The following PLCL2 variants were observed in gnomAD, a reference collection of about 807,000 sequenced individuals.
The protein encoded by PLCL2 is phospholipase C like 2.
In PLCL2, 4 loss-of-function variants were observed where a neutral mutation model predicts 79.6. The observed-to-expected ratio is 0.05, with a 90% confidence interval of 0.02 to 0.11. PLCL2 has a LOEUF of 0.11. PLCL2 is among the 10% of genes least tolerant of loss of function. The pLI, the probability that PLCL2 is intolerant of heterozygous loss-of-function variation, is 1.00. For missense variants in PLCL2, 895 were observed against 1,291.0 expected (o/e 0.69, Z 4.70); for synonymous variants, 484 against 457.7 (o/e 1.06, Z -0.73).
intron 1 of PLCL2, among the ~76,000 whole-genome samples, chr3:16,949,613 T>C (rs1337480958): frequency 2.6e-5 from 4 of 152,230 alleles, no homozygotes; most frequent in Non-Finnish European, 2.9e-5. Context: ...GCAGAAGTTT[T>C]AAATTTAGAT....
chr3:16,995,398 T>C (rs1401714779), intron 1 of PLCL2, among the ~76,000 whole-genome samples: 1 of 152,234 alleles, frequency 6.6e-6, no homozygotes, highest in Non-Finnish European at 1.5e-5. Context: ...GTATTTGTTC[T>C]GTCTGCAGCC....
intron 1 of PLCL2, among the ~76,000 whole-genome samples, chr3:16,960,311 C>T (rs1434000375): frequency 1.3e-5 from 2 of 152,134 alleles, no homozygotes; most frequent in East Asian, 1.9e-4. Flanking sequence ...AGCACAGTGC[C>T]GCCACACTGG....
chr3:16,946,887 GCTTTT>G (rs2063604852), intron 1 of PLCL2, among the ~76,000 whole-genome samples: 1 of 149,290 alleles, frequency 6.7e-6, no homozygotes, highest in Non-Finnish European at 1.5e-5. Flanking sequence ...ATCAGGGAGA[GCTTTT>G]CTTTTATATT....
intron 3 of PLCL2, among the ~76,000 whole-genome samples, chr3:17,034,497 G>T (rs1333584800): frequency 6.6e-6 from 1 of 152,166 alleles, no homozygotes; most frequent in Non-Finnish European, 1.5e-5. Flanking sequence ...GTAGTAGGAG[G>T]TTCCTCTGAA....
chr3:16,980,265 CG>C (rs1251289538), intron 1 of PLCL2, among the ~76,000 whole-genome samples: 3 of 135,582 alleles, frequency 2.2e-5, no homozygotes, highest in African/African-American at 5.6e-5. Flanking sequence ...GCTGGCCGGG[CG>C]GGGGGCTGAC....
chr3:16,933,982 G>A lies in PLCL2; in HGVS notation c.327+48616G>A, dbSNP rs376869831. On this transcript the variant is annotated intron_variant, in intron 1 of 5. Transcript: ENST00000615277. Reference sequence around the variant, plus strand: ...CTCAGGAGGCGGAGGCAGGAGAATCGCTTGAACCCAGGAGGCGGAGGTTGC... The same window carrying A: ...CTCAGGAGGCGGAGGCAGGAGAATCACTTGAACCCAGGAGGCGGAGGTTGC... Among the ~76,000 whole-genome samples the A allele has an allele frequency of 3.5e-4, 54 of 152,148 alleles. No homozygotes were observed. In the South Asian group the frequency reaches 6.6e-3, roughly 19 times the overall value.
intron 1 of PLCL2, among the ~76,000 whole-genome samples, chr3:17,004,964 A>C (rs2064246233): frequency 6.6e-6 from 1 of 151,024 alleles, no homozygotes; most frequent in Non-Finnish European, 1.5e-5. Context: ...CTTTGTTTTC[A>C]TACTACACCC....
chr3:16,969,377 T>A (rs1335149691), intron 1 of PLCL2, among the ~76,000 whole-genome samples: 3 of 152,120 alleles, frequency 2.0e-5, no homozygotes, highest in Admixed American at 6.6e-5. Flanking sequence ...GGTCCTGGGC[T>A]TTTTCTAGTT....
At chr3:16,968,598 A>G (rs1456740816) in intron 1 of PLCL2, among the ~76,000 whole-genome samples, 3 of 151,930 alleles carry the variant, frequency 2.0e-5, no homozygotes, top group East Asian at 1.9e-4. Context: ...TATAAATGCT[A>G]TTTATTTTTG....
rs374319671 is a variant in PLCL2 at position 17,012,164 on chromosome 3, C to T, written c.2814+4C>T. 19 of 1,601,258 alleles carry T rather than the reference C, an allele frequency of 1.2e-5. No homozygotes were observed. The highest frequency in any genetic ancestry group is 1.7e-4 in the Middle Eastern group (1 of 6,010). ...AGATCTGAGAGAAAACATGCAGGTGCGTGCTTGTGTTTAATCATTTACTCA... is the reference window on the plus strand; with the variant it reads ...AGATCTGAGAGAAAACATGCAGGTGTGTGCTTGTGTTTAATCATTTACTCA... On this transcript the variant is annotated splice_donor_region_variant and intron_variant, in intron 2 of 5. Coordinates refer to ENST00000615277, the MANE Select transcript of PLCL2 (RefSeq NM_001144382.2).
chr3:17,034,108 A>C (rs1267188735), intron 3 of PLCL2, among the ~76,000 whole-genome samples: 2 of 152,190 alleles, frequency 1.3e-5, no homozygotes, highest in African/African-American at 2.4e-5. Context: ...ACTTGTATGG[A>C]GTTTGCAGGT....
chr3:17,087,762 C>T (rs2065235760), intron 5 of PLCL2, among the ~76,000 whole-genome samples: 2 of 152,094 alleles, frequency 1.3e-5, no homozygotes, highest in Admixed American at 6.5e-5. Flanking sequence ...TAAGGGAACT[C>T]TCTGTGGTTT....
At chr3:16,911,293 T>C (rs1018694549) in intron 1 of PLCL2, among the ~76,000 whole-genome samples, 2 of 151,714 alleles carry the variant, frequency 1.3e-5, no homozygotes, top group African/African-American at 4.8e-5. Flanking sequence ...ACAGCTCTGA[T>C]TTGAATACAG....
intron 1 of PLCL2, among the ~76,000 whole-genome samples, chr3:16,924,217 T>C (rs527695183): frequency 1.6e-4 from 24 of 152,344 alleles, no homozygotes; most frequent in African/African-American, 5.5e-4. Flanking sequence ...TTTAATATTA[T>C]AATGTGGCAA....
chr3:17,052,406 C>T (rs944725392), intron 4 of PLCL2, among the ~76,000 whole-genome samples: 1 of 151,982 alleles, frequency 6.6e-6, no homozygotes, highest in Non-Finnish European at 1.5e-5. Flanking sequence ...AGAAGCAGTG[C>T]CCCCAAACAA....
intron 1 of PLCL2, among the ~76,000 whole-genome samples, chr3:16,890,690 T>C (rs1047952252): frequency 2.0e-5 from 3 of 152,216 alleles, no homozygotes; most frequent in African/African-American, 7.2e-5. Flanking sequence ...TCAAATACTT[T>C]TACCAGTGGA....
chr3:17,042,899 T>C lies in PLCL2; in HGVS notation c.3044T>C (p.Ile1015Thr), dbSNP rs775606194. Residue 1015 changes from isoleucine to threonine, a missense_variant, in exon 4 of 6, where the codon ATT becomes ACT. Around this residue, in one of 6 missense-constraint regions of PLCL2, gnomAD observed 298 missense variants for 459.6 expected, o/e 0.65. Coordinates refer to ENST00000615277, the MANE Select transcript of PLCL2 (RefSeq NM_001144382.2). The stretch of plus-strand genomic sequence containing the variant: ...ATGATTCAGTCCCTCAAGGCGTTGA[T>C]TGAAAATGCAGATGCTGTATATGAA... ...DMMIQSLKALIENADAVYEKI... is the reference protein window; with the variant it reads ...DMMIQSLKALTENADAVYEKI... 4.3e-6 allele frequency: 7 copies of C among 1,612,692 alleles called. No homozygotes were observed. Among genetic ancestry groups the C allele is most frequent in the East Asian group, 2.2e-5 (1 of 44,854 alleles).
rs572532982 is a variant in PLCL2, at chr3:16,977,424, A to G, written c.328-32250A>G. ...TCACTCTGGAAGCATTTTCACTCTC[A>G]TGACATTCCTTTTACTTGAAATGCC... On this transcript the variant is annotated intron_variant, in intron 1 of 5. Transcript: ENST00000615277. Among the ~76,000 whole-genome samples the G allele has an allele frequency of 2.0e-5, 3 of 152,198 alleles. No individual in the cohort carries two copies. In the East Asian group the frequency reaches 5.8e-4, roughly 29 times the overall value.
chr3:17,071,918 C>G (rs1205224566), intron 5 of PLCL2, among the ~76,000 whole-genome samples: 1 of 152,004 alleles, frequency 6.6e-6, no homozygotes, highest in African/African-American at 2.4e-5. Flanking sequence ...CCTCTGCCTC[C>G]TGGGTTCAAG....
Sources: allele counts gnomAD v4.1 joint callset (sites outside exome capture counted in the v4.1 genomes callset), GRCh38; gene constraint gnomAD v4.1.1; regional missense constraint gnomAD v4.1.1; transcripts MANE v1.5; gene names NCBI Gene and HGNC (gene_info 2026-07-23, HGNC 2026-07-21).